Variants in BAHCC1 observed in about 807,000 individuals in gnomAD.
The protein encoded by BAHCC1 is BAH and coiled-coil domain-containing protein 1.
BAHCC1 carries 43 observed loss-of-function variants against 88.2 expected under a neutral mutation model. The ratio of observed to expected loss-of-function variants is 0.49; its 90% CI spans 0.38 to 0.63. BAHCC1 has a LOEUF of 0.63. BAHCC1 is among the 20% of genes least tolerant of loss of function. The probability of loss-of-function intolerance (pLI) is 0.00; values close to 1 mark genes in which losing one functional copy is unlikely to be tolerated. For synonymous variants in BAHCC1, 1,510 were observed against 745.5 expected (o/e 2.03, Z -16.71); for missense variants, 3,023 against 1,654.8 (o/e 1.83, Z -14.34).
rs1481304274 is a variant in BAHCC1 at position 81,399,223 on chromosome 17, G to A, written c.-206-311G>A. The A allele has an allele frequency of 2.4e-6, 1 of 424,416 alleles. No homozygotes were observed. The highest frequency in any genetic ancestry group is 4.7e-6 in the Non-Finnish European group (1 of 211,950). The allele number at this position is 424,416 out of a possible 1,614,324, so 26.3% of individuals were successfully genotyped here. A position where few individuals can be genotyped will look rare whatever the true frequency, so the allele number is the denominator to read the frequency against. Reference sequence around the variant, plus strand: ...GCAGAGCCAGCAGCCTCTTCGCCGCGGCGCCCTAGCTGCAGGGACCCGCGG... The same window carrying A: ...GCAGAGCCAGCAGCCTCTTCGCCGCAGCGCCCTAGCTGCAGGGACCCGCGG... On this transcript the variant is annotated intron_variant, in intron 1 of 27. Coordinates refer to ENST00000675386, the MANE Select transcript of BAHCC1 (RefSeq NM_001377448.1). This position sits in a 1 kb window ranked among gnomAD's most constrained non-coding sequence, Gnocchi z 4.5.
Position 81,399,841 on chromosome 17 carries a change from G to A in BAHCC1, c.102G>A (p.Gly34=), listed in dbSNP as rs1555645711. The A allele has an allele frequency of 7.3e-7, 1 of 1,364,706 alleles. No individual in the cohort carries two copies. The highest frequency in any genetic ancestry group is 1.7e-5 in the South Asian group (1 of 58,784). The allele number at this position is 1,364,706 out of a possible 1,614,324, so 84.5% of individuals were successfully genotyped here. Residue 34 remains glycine, a synonymous_variant, in exon 2 of 28, where the codon GGG becomes GGA. Transcript: ENST00000675386. This position sits in a 1 kb window ranked among gnomAD's most constrained non-coding sequence, Gnocchi z 4.5. ...AAAAARLAPA[G]PAAQPPAHFQ... is the part of the protein sequence containing the mutation. ...CCGCCGCGCGTCTCGCCCCGGCTGGGCCCGCCGCGCAGCCCCCCGCACACT... is the reference window on the plus strand; with the variant it reads ...CCGCCGCGCGTCTCGCCCCGGCTGGACCCGCCGCGCAGCCCCCCGCACACT...
At chr17:81,398,689 C>T (rs11657730) in intron 1 of BAHCC1, among the ~76,000 whole-genome samples, 40,508 of 152,194 alleles carry the variant, frequency 0.27, 6,714 homozygotes, top group Middle Eastern at 0.38. Context: ...GTGATTGTTA[C>T]AGCCTCAACA....
At chr17:81,437,304 C>T (rs1555651873) in intron 3 of BAHCC1, among the ~76,000 whole-genome samples, 1 of 152,262 alleles carries the variant, frequency 6.6e-6, no homozygotes, top group Admixed American at 6.5e-5. Flanking sequence ...CTAAGGCAGG[C>T]CGGCCGGCAC....
At position 81,411,774 on chromosome 17, in the gene BAHCC1, C is replaced by T. The variant is rs1185286637; in HGVS notation, c.178+11857C>T. Among the ~76,000 whole-genome samples the T allele has an allele frequency of 6.6e-6, 1 of 152,210 alleles. No individual in the cohort carries two copies. The highest frequency in any genetic ancestry group is 1.5e-5 in the Non-Finnish European group (1 of 68,034). On this transcript the variant is annotated intron_variant, in intron 2 of 27. Transcript: ENST00000675386. The surrounding 1 kb of genome is among the most constrained non-coding windows in gnomAD (Gnocchi z 6.2). ...GGGCCCCAACCCAGCCTCCCTGGGT[C>T]TCTGGGCCTTTGCCTCTACCCACAC...
intron 2 of BAHCC1, among the ~76,000 whole-genome samples, chr17:81,425,748 GT>G (rs1555650370): frequency 7.2e-6 from 1 of 138,358 alleles, no homozygotes. Context: ...GATGTGGTTG[GT>G]GTGATGTGGT....
At chr17:81,456,986 G>A in intron 16 of BAHCC1, among the ~76,000 whole-genome samples, 1 of 152,058 alleles carries the variant, frequency 6.6e-6, no homozygotes, top group East Asian at 1.9e-4. Flanking sequence ...CAGGAGCCTA[G>A]AAAAATAGAA....
At chr17:81,438,329 G>A (rs782489594) in intron 3 of BAHCC1, 41 bp from the exon 4 acceptor site, 3 of 776,000 alleles carry the variant, frequency 3.9e-6, no homozygotes, top group East Asian at 2.4e-5. Context: ...GGGCCAGGGG[G>A]CTGGGAGTTG....
intron 2 of BAHCC1, among the ~76,000 whole-genome samples, chr17:81,414,174 C>T (rs200794549): frequency 3.9e-5 from 6 of 152,362 alleles, no homozygotes; most frequent in Admixed American, 6.5e-5. Flanking sequence ...CCTCGATGTC[C>T]GCCTTGGCAG....
Position 81,457,466 on chromosome 17 carries a change from A to C in BAHCC1, c.4915A>C (p.Arg1639=), listed in dbSNP as rs2064770453. 2 of 771,170 alleles carry C rather than the reference A, an allele frequency of 2.6e-6. No individual in the cohort carries two copies. The highest frequency in any genetic ancestry group is 4.9e-5 in the East Asian group (2 of 40,930). 47.8% of individuals were successfully genotyped at this position (771,170 alleles called of 1,614,324 possible). A position where few individuals can be genotyped will look rare whatever the true frequency, so the allele number is the denominator to read the frequency against. ...EGLLGTEAPP[R]EAGLLLHTGA... Reference sequence around the variant, plus strand: ...TCTCCTGGGGACAGAGGCACCACCCAGGGAAGCAGGGCTGCTGCTGCACAC... The same window carrying C: ...TCTCCTGGGGACAGAGGCACCACCCCGGGAAGCAGGGCTGCTGCTGCACAC... The change falls in exon 17 of 28, where the codon AGG becomes CGG. Residue 1639 remains arginine (R), a synonymous_variant. Coordinates refer to ENST00000675386, the MANE Select transcript of BAHCC1 (RefSeq NM_001377448.1).
chr17:81,463,861 G>A lies in BAHCC1; in HGVS notation c.*44G>A, dbSNP rs1555660149. On this transcript the variant is annotated 3_prime_UTR_variant, in exon 28 of 28. Coordinates refer to ENST00000675386, the MANE Select transcript of BAHCC1 (RefSeq NM_001377448.1). The stretch of plus-strand genomic sequence containing the variant: ...CTCCCACGTGCGCCAGGGACCCTGT[G>A]TGCGGAGCCTGGCGTCGGCCAAGCC... The A allele has an allele frequency of 1.4e-6, 1 of 696,540 alleles. No homozygotes were observed. The highest frequency in any genetic ancestry group is 2.6e-6 in the Non-Finnish European group (1 of 380,840). 43.1% of individuals were successfully genotyped at this position (696,540 alleles called of 1,614,324 possible).
chr17:81,449,463 A>C (rs772839744), intron 11 of BAHCC1, among the ~76,000 whole-genome samples: 3 of 152,180 alleles, frequency 2.0e-5, no homozygotes, highest in Non-Finnish European at 4.4e-5. Context: ...AAAAGCCCCC[A>C]CCATCGGGGC....
At chr17:81,403,711 T>C (rs35470971) in intron 2 of BAHCC1, among the ~76,000 whole-genome samples, 312 of 152,268 alleles carry the variant, frequency 2.0e-3, no homozygotes, top group South Asian at 0.012. Context: ...ATTAAGTAGG[T>C]GTGAAAAGAG....
Position 81,436,377 on chromosome 17 carries a change from C to T in BAHCC1, c.359-1993C>T, listed in dbSNP as rs186032071. Among the ~76,000 whole-genome samples, 5 of 152,360 alleles carry T rather than the reference C, an allele frequency of 3.3e-5. No individual in the cohort carries two copies. The South Asian group carries it at 6.2e-4, about 19-fold the overall frequency. ...CTCTGCCAGCTGACTGCCTGCTCCC[C>T]GCAGAGAGCGGATGGGCTGGAGGCC... is the stretch of plus-strand genomic sequence containing the variant. On this transcript the variant is annotated intron_variant, in intron 3 of 27. Coordinates refer to ENST00000675386, the MANE Select transcript of BAHCC1 (RefSeq NM_001377448.1).
chr17:81,434,739 CAG>C lies in BAHCC1; in HGVS notation c.359-3630_359-3629del, dbSNP rs1555651461. 7.5e-4 allele frequency among the ~76,000 whole-genome samples: 114 copies of C among 152,192 alleles called. No homozygotes were observed. In the Middle Eastern group the frequency reaches 0.024, roughly 32 times the overall value. On this transcript the variant is annotated intron_variant, in intron 3 of 27. Transcript: ENST00000675386. This position sits in a 1 kb window ranked among gnomAD's most constrained non-coding sequence, Gnocchi z 4.9. Reference sequence around the variant, plus strand: ...ACGGCAGGGATGCTCCCTGGAAGGGCAGCCTGGGGGGTGGGTTGTGGCCACCT... The same window carrying C: ...ACGGCAGGGATGCTCCCTGGAAGGGCCCTGGGGGGTGGGTTGTGGCCACCT...
At chr17:81,455,228 G>A in intron 14 of BAHCC1, 39 bp from the exon 15 acceptor site, 1 of 705,964 alleles carries the variant, frequency 1.4e-6, no homozygotes. Context: ...GGGCGGCCGG[G>A]CCTGCATCTG....
Position 81,452,800 on chromosome 17 carries a change from C to T in BAHCC1, c.4394C>T (p.Pro1465Leu), listed in dbSNP as rs576028784. 2 of 740,946 alleles carry T rather than the reference C, an allele frequency of 2.7e-6. No individual in the cohort carries two copies. The highest frequency in any genetic ancestry group is 5.0e-6 in the Non-Finnish European group (2 of 403,642). The allele number at this position is 740,946 out of a possible 1,614,324, so 45.9% of individuals were successfully genotyped here. ...PRKRKHSSSL[P>L]APRPTGPLPR... The stretch of plus-strand genomic sequence containing the variant: ...AAGCGCAAACACTCAAGCTCGCTGC[C>T]TGCCCCACGTCCCACGGGGCCGCTC... The change falls in exon 14 of 28, where the codon CCT becomes CTT. Residue 1465 changes from proline to leucine, a missense_variant. Coordinates refer to ENST00000675386, the MANE Select transcript of BAHCC1 (RefSeq NM_001377448.1).
At chr17:81,410,133 C>T in intron 2 of BAHCC1, 1 of 283,470 alleles carries the variant, frequency 3.5e-6, no homozygotes, top group Non-Finnish European at 7.5e-6. Context: ...GGTGCCCTCC[C>T]AGGAGCACTG....
intron 13 of BAHCC1, 128 bp from the exon 14 acceptor site, chr17:81,452,595 C>G: frequency 1.8e-6 from 1 of 547,746 alleles, no homozygotes; most frequent in Non-Finnish European, 3.2e-6. Flanking sequence ...GTCAGGCTCC[C>G]CAGGCCGAGT....
chr17:81,459,490 C>T lies in BAHCC1; in HGVS notation c.5797-6C>T, dbSNP rs1555658528. On this transcript the variant is annotated splice_polypyrimidine_tract_variant and splice_region_variant and intron_variant, in intron 22 of 27. Transcript: ENST00000675386. ...TGCTCATGGGTCGTCGCCCGCGTTC[C>T]TGCAGGTTCTCGATGTGCGGCCACA... is the stretch of plus-strand genomic sequence containing the variant. 1 of 779,252 alleles carries T rather than the reference C, an allele frequency of 1.3e-6. No homozygotes were observed. The highest frequency in any genetic ancestry group is 1.7e-5 in the Admixed American group (1 of 59,012). The allele number at this position is 779,252 out of a possible 1,614,324, so 48.3% of individuals were successfully genotyped here. A position where few individuals can be genotyped will look rare whatever the true frequency, so the allele number is the denominator to read the frequency against.
Sources: allele counts gnomAD v4.1 joint callset (sites outside exome capture counted in the v4.1 genomes callset), GRCh38; gene constraint gnomAD v4.1.1; non-coding constraint Gnocchi (gnomAD v3.1); transcripts MANE v1.5; gene names NCBI Gene and HGNC (gene_info 2026-07-23, HGNC 2026-07-21).